Variants in ACOT7 observed in about 807,000 individuals in gnomAD.
ACOT7 encodes the protein acyl-CoA thioesterase 7.
ACOT7 carries 12 observed loss-of-function variants against 40.2 expected under a neutral mutation model. The observed-to-expected ratio is 0.30, with a 90% CI of 0.19 to 0.48. ACOT7 has a LOEUF of 0.48. ACOT7 is among the 20% of genes least tolerant of loss of function. ACOT7 has a pLI of 0.99. For synonymous variants in ACOT7, 228 were observed against 219.5 expected (o/e 1.04, Z -0.34); for missense variants, 395 against 530.8 (o/e 0.74, Z 2.51).
chr1:6,305,624 G>C (rs1203198925), intron 6 of ACOT7, among the ~76,000 whole-genome samples: 1 of 150,684 alleles, frequency 6.6e-6, no homozygotes, highest in Non-Finnish European at 1.5e-5. Flanking sequence ...CCACATCTCA[G>C]ATGATGGGCG....
intron 1 of ACOT7, among the ~76,000 whole-genome samples, chr1:6,389,251 G>C (rs1006145188): frequency 6.6e-6 from 1 of 151,986 alleles, no homozygotes; most frequent in African/African-American, 2.4e-5. Context: ...TGGTAGATCT[G>C]CATCTAAGAG....
At chr1:6,291,889 C>CT (rs1639675542) in intron 7 of ACOT7, among the ~76,000 whole-genome samples, 2 of 152,232 alleles carry the variant, frequency 1.3e-5, no homozygotes, top group Non-Finnish European at 2.9e-5. Context: ...CAGCCTCGCT[C>CT]TGTTTCCCTA....
At chr1:6,268,970 GC>G (rs1323103343) in intron 8 of ACOT7, among the ~76,000 whole-genome samples, 1 of 152,208 alleles carries the variant, frequency 6.6e-6, no homozygotes. Flanking sequence ...CCACCCCTTT[GC>G]CCCCACATGG....
chr1:6,299,767 T>C lies in ACOT7; in HGVS notation c.713-4787A>G, dbSNP rs1412780973. On this transcript the variant is annotated intron_variant, in intron 6 of 8. Transcript: ENST00000361521. This position sits in a 1 kb window ranked among gnomAD's most constrained non-coding sequence, Gnocchi z 4.1. ...GCCCACAGACTGAGTTCTTCTAGGTTGATCTGCCTCATAAAGAAACTGACT... is the reference window on the plus strand; with the variant it reads ...GCCCACAGACTGAGTTCTTCTAGGTCGATCTGCCTCATAAAGAAACTGACT... Among the ~76,000 whole-genome samples the C allele has an allele frequency of 1.3e-5, 2 of 152,138 alleles. No individual in the cohort carries two copies. The highest frequency in any genetic ancestry group is 2.9e-5 in the Non-Finnish European group (2 of 68,026).
chr1:6,315,196 A>G (rs1640452148), intron 6 of ACOT7, among the ~76,000 whole-genome samples: 1 of 152,154 alleles, frequency 6.6e-6, no homozygotes, highest in African/African-American at 2.4e-5. Context: ...CAGTGTGTGG[A>G]ACTCACAGAA....
chr1:6,276,517 CTGCATCCG>C (rs879629054), intron 8 of ACOT7, among the ~76,000 whole-genome samples: 12 of 152,004 alleles, frequency 7.9e-5, no homozygotes, highest in Non-Finnish European at 4.4e-5. Flanking sequence ...AGCAGAGAGG[CTGCATCCG>C]TGTCAGCCAG....
chr1:6,382,581 G>A lies in ACOT7; in HGVS notation c.143+10676C>T, dbSNP rs528309552. On this transcript the variant is annotated intron_variant, in intron 1 of 8. Coordinates refer to ENST00000361521, the MANE Select transcript of ACOT7 (RefSeq NM_007274.4). ...AATCCCAGCACTTTAGGAGGCAGAC[G>A]GAGATGGGCAGATCCCTTGAGCTCA... 3.3e-5 allele frequency among the ~76,000 whole-genome samples: 5 copies of A among 151,898 alleles called. No homozygotes were observed. The South Asian group carries it at 6.2e-4, about 19-fold the overall frequency.
chr1:6,391,750 A>G (rs1642536868), intron 1 of ACOT7, among the ~76,000 whole-genome samples: 1 of 152,060 alleles, frequency 6.6e-6, no homozygotes, highest in African/African-American at 2.4e-5. Flanking sequence ...TCAACTCCCA[A>G]AACTGCCATT....
intron 1 of ACOT7, among the ~76,000 whole-genome samples, chr1:6,378,824 G>A (rs1420610475): frequency 6.6e-6 from 1 of 151,936 alleles, no homozygotes; most frequent in African/African-American, 2.4e-5. Flanking sequence ...GGAAACAGAT[G>A]TGGACAGGTG....
chr1:6,304,935 C>T (rs1186947559), intron 6 of ACOT7, among the ~76,000 whole-genome samples: 1 of 147,192 alleles, frequency 6.8e-6, no homozygotes, highest in East Asian at 2.0e-4. Context: ...GGGTGGTGGC[C>T]GGGCAGAGGG....
intron 1 of ACOT7, among the ~76,000 whole-genome samples, chr1:6,353,082 T>C (rs1271109588): frequency 6.6e-6 from 1 of 152,078 alleles, no homozygotes; most frequent in African/African-American, 2.4e-5. Flanking sequence ...TTTTGCCATG[T>C]TGCCCAGGCT....
chr1:6,349,508 G>A (rs1022999874), intron 2 of ACOT7, among the ~76,000 whole-genome samples: 1 of 152,224 alleles, frequency 6.6e-6, no homozygotes, highest in Non-Finnish European at 1.5e-5. Flanking sequence ...TGGAGGGAGG[G>A]CCTGTCAGCT....
intron 1 of ACOT7, among the ~76,000 whole-genome samples, chr1:6,382,172 GGGAGGCCGA>G (rs1642350938): frequency 6.6e-6 from 1 of 150,914 alleles, no homozygotes; most frequent in Admixed American, 6.6e-5. Context: ...CCAACACTTT[GGGAGGCCGA>G]GGCAGGCGGA....
chr1:6,320,272 G>A (rs755430714), intron 5 of ACOT7, among the ~76,000 whole-genome samples: 4 of 152,178 alleles, frequency 2.6e-5, no homozygotes, highest in Non-Finnish European at 4.4e-5. Flanking sequence ...TGTAAACCTC[G>A]CCCACTGCTA....
In ACOT7 at chr1:6,323,716, C is replaced by CAAAA. The variant is rs1171499592; in HGVS notation, c.625+3579_625+3582dup. On this transcript the variant is annotated intron_variant, in intron 5 of 8. Transcript: ENST00000361521. ...CTGGTCAACAGAGTGAGACTTGTCT[C>CAAAA]AAAAAAAAAAAAAAAAAAAAAATAT... Among the ~76,000 whole-genome samples, 28 of 69,124 alleles carry CAAAA rather than the reference C, an allele frequency of 4.1e-4. 1 individual carries two copies. The highest frequency in any genetic ancestry group is 7.4e-4 in the East Asian group (1 of 1,360). 45.3% of individuals were successfully genotyped at this position (69,124 alleles called of 152,430 possible).
At chr1:6,307,217 C>G (rs949374416) in intron 6 of ACOT7, among the ~76,000 whole-genome samples, 8 of 152,230 alleles carry the variant, frequency 5.3e-5, no homozygotes, top group Admixed American at 1.3e-4. Context: ...CACTGGTTCT[C>G]GAGTTAGAGA....
intron 2 of ACOT7, among the ~76,000 whole-genome samples, chr1:6,346,235 G>C (rs1641416943): frequency 6.6e-6 from 1 of 152,234 alleles, no homozygotes; most frequent in South Asian, 2.1e-4. Context: ...CCAAGAAGCT[G>C]AGACTACAGG....
intron 1 of ACOT7, among the ~76,000 whole-genome samples, chr1:6,387,998 T>C (rs996598442): frequency 3.3e-5 from 5 of 151,018 alleles, no homozygotes; most frequent in African/African-American, 4.9e-5. Context: ...TGGAGTGCAA[T>C]GGCACAATCT....
At chr1:6,375,382 AAG>A (rs1189511993) in intron 1 of ACOT7, among the ~76,000 whole-genome samples, 3 of 145,026 alleles carry the variant, frequency 2.1e-5, no homozygotes, top group Non-Finnish European at 4.6e-5. Flanking sequence ...ACTCAACAAT[AAG>A]AGGCCAGGCG....
Sources: allele counts gnomAD v4.1 joint callset (sites outside exome capture counted in the v4.1 genomes callset), GRCh38; gene constraint gnomAD v4.1.1; non-coding constraint Gnocchi (gnomAD v3.1); transcripts MANE v1.5; gene names NCBI Gene and HGNC (gene_info 2026-07-23, HGNC 2026-07-21).